The following MAP2K5 variants were observed in gnomAD, a reference collection of about 807,000 sequenced individuals.
MAP2K5 encodes the protein dual specificity mitogen-activated protein kinase kinase 5.
A neutral mutation model predicts 83.1 loss-of-function variants in MAP2K5; 49 were observed. The ratio of observed to expected loss-of-function variants is 0.59; its 90% CI spans 0.47 to 0.75. The LOEUF is 0.75. Ranked by LOEUF, MAP2K5 falls within the 30% of genes least tolerant of loss-of-function variation. The pLI is 0.00. For missense variants in MAP2K5, 457 were observed against 557.5 expected, an observed-to-expected ratio of 0.82 and a Z score of 1.82; for synonymous variants, 202 against 191.8, an observed-to-expected ratio of 1.05 and a Z score of -0.44.
chr15:67,585,952 T>C (rs1479209866), intron 5 of MAP2K5, 22 bp downstream of exon 5: 7 of 1,606,386 alleles, frequency 4.4e-6, no homozygotes, highest in Non-Finnish European at 5.1e-6. Flanking sequence ...AATAATTGTT[T>C]CAGTAAAGTT....
rs1469502703 is a variant in MAP2K5 at position 67,543,117 on chromosome 15, C to T, written c.-219C>T. ...TTGCCCGCTTCCCGGTGCACCCTCC[C>T]CGGGAGACACCTCAGACCCCCGACA... is the stretch of plus-strand genomic sequence containing the variant. On this transcript the variant is annotated 5_prime_UTR_variant, in exon 1 of 22. Transcript: ENST00000178640. The surrounding 1 kb of genome is among the most constrained non-coding windows in gnomAD (Gnocchi z 4.3). 3.4e-5 allele frequency: 20 copies of T among 580,594 alleles called. No individual in the cohort carries two copies. The highest frequency in any genetic ancestry group is 6.0e-5 in the Admixed American group (2 of 33,060). The allele number at this position is 580,594 out of a possible 1,614,324, so 36.0% of individuals were successfully genotyped here. A position where few individuals can be genotyped will look rare whatever the true frequency, so the allele number is the denominator to read the frequency against.
At chr15:67,653,389 C>T (rs977296775) in intron 11 of MAP2K5, among the ~76,000 whole-genome samples, 9 of 151,860 alleles carry the variant, frequency 5.9e-5, no homozygotes, top group East Asian at 1.9e-4. Context: ...GGGTTCAAGC[C>T]GTTCTCCTGC....
chr15:67,634,593 G>GT (rs1462735352), intron 9 of MAP2K5, among the ~76,000 whole-genome samples: 1 of 151,742 alleles, frequency 6.6e-6, no homozygotes, highest in Admixed American at 6.6e-5. Flanking sequence ...TTTACTTAAT[G>GT]TTTTTTGAAG....
intron 8 of MAP2K5, among the ~76,000 whole-genome samples, chr15:67,626,852 A>G (rs1212009889): frequency 1.3e-5 from 2 of 152,172 alleles, no homozygotes; most frequent in African/African-American, 2.4e-5. Context: ...ATGAACTAAT[A>G]AGATCACAGC....
At chr15:67,688,283 A>G (rs2088008735) in intron 13 of MAP2K5, among the ~76,000 whole-genome samples, 1 of 152,182 alleles carries the variant, frequency 6.6e-6, no homozygotes, top group Non-Finnish European at 1.5e-5. Flanking sequence ...CCATTTTTGC[A>G]CTGAGTTGGA....
At chr15:67,558,790 C>T (rs1048097072) in intron 2 of MAP2K5, among the ~76,000 whole-genome samples, 11 of 152,228 alleles carry the variant, frequency 7.2e-5, no homozygotes, top group African/African-American at 2.7e-4. Flanking sequence ...CAGATATCAG[C>T]AAGGCCCACT....
intron 1 of MAP2K5, among the ~76,000 whole-genome samples, chr15:67,547,497 C>T (rs1187109727): frequency 6.7e-6 from 1 of 149,438 alleles, no homozygotes; most frequent in African/African-American, 2.5e-5. Context: ...GCTTTGTTGC[C>T]CAGGCTGGAA....
intron 1 of MAP2K5, chr15:67,549,269 A>T: frequency 2.2e-6 from 3 of 1,375,670 alleles, no homozygotes; most frequent in Non-Finnish European, 3.0e-6. Flanking sequence ...TGTGTTTTCA[A>T]CTTTATAGAT....
chr15:67,579,960 A>C (rs893745389), intron 3 of MAP2K5, among the ~76,000 whole-genome samples: 24 of 152,206 alleles, frequency 1.6e-4, no homozygotes, highest in African/African-American at 5.5e-4. Context: ...TTTTTCCACT[A>C]GGAGCATCAC....
chr15:67,641,474 G>A (rs1455406673), intron 9 of MAP2K5: 5 of 1,000,442 alleles, frequency 5.0e-6, no homozygotes, highest in South Asian at 9.4e-5. Flanking sequence ...GCAAATAAAC[G>A]AAGTCATCCA....
In MAP2K5 at chr15:67,569,019, AC is replaced by A. The variant is rs1411822357; in HGVS notation, c.252+5670del. On this transcript the variant is annotated intron_variant, in intron 3 of 21. Coordinates refer to ENST00000178640, the MANE Select transcript of MAP2K5 (RefSeq NM_145160.3). ...AGACTCCATCTCAAAAAAAAAAAAAACAAAAAAAAAAAACAAAACTCTGTGG... is the reference window on the plus strand; with the variant it reads ...AGACTCCATCTCAAAAAAAAAAAAAAAAAAAAAAAAAACAAAACTCTGTGG... 3.3e-3 allele frequency among the ~76,000 whole-genome samples: 443 copies of A among 132,288 alleles called. 16 individuals are homozygous for A. The highest frequency in any genetic ancestry group is 8.1e-3 in the African/African-American group (290 of 35,852). The allele number at this position is 132,288 out of a possible 152,430, so 86.8% of individuals were successfully genotyped here. A position where few individuals can be genotyped will look rare whatever the true frequency, so the allele number is the denominator to read the frequency against.
intron 7 of MAP2K5, among the ~76,000 whole-genome samples, chr15:67,600,011 G>A (rs4346159): frequency 1.5e-4 from 23 of 152,096 alleles, no homozygotes; most frequent in East Asian, 9.6e-4. Flanking sequence ...ATAAAGTTAC[G>A]AAAATGACTT....
At chr15:67,613,331 A>G (rs766456230) in intron 8 of MAP2K5, among the ~76,000 whole-genome samples, 4 of 152,194 alleles carry the variant, frequency 2.6e-5, no homozygotes, top group African/African-American at 4.8e-5. Flanking sequence ...TGTATCAGAG[A>G]GTTTGCTTTT....
intron 13 of MAP2K5, among the ~76,000 whole-genome samples, chr15:67,669,603 G>A (rs1022946212): frequency 4.5e-4 from 68 of 152,260 alleles, no homozygotes; most frequent in African/African-American, 1.6e-3. Flanking sequence ...CAGGGGCCCA[G>A]ATCAGGGAGA....
At position 67,699,942 on chromosome 15, in the gene MAP2K5, G is replaced by C. The variant is rs193201478; in HGVS notation, c.973-3395G>C. 2.0e-5 allele frequency among the ~76,000 whole-genome samples: 3 copies of C among 146,626 alleles called. No homozygotes were observed. In the Admixed American group the frequency reaches 2.1e-4, roughly 10 times the overall value. The stretch of plus-strand genomic sequence containing the variant: ...CAGAGCCCTGTTTAACCAGTGTTCT[G>C]TCTGCCTACACAGGGATCTTGCCAA... On this transcript the variant is annotated intron_variant, in intron 15 of 21. Transcript: ENST00000178640.
At chr15:67,657,403 T>G (rs2087111486) in intron 11 of MAP2K5, among the ~76,000 whole-genome samples, 1 of 152,180 alleles carries the variant, frequency 6.6e-6, no homozygotes, top group Non-Finnish European at 1.5e-5. Context: ...AGCTTGATCT[T>G]TTTTATTCTG....
chr15:67,729,379 A>G (rs2089171747), intron 17 of MAP2K5, among the ~76,000 whole-genome samples: 1 of 152,228 alleles, frequency 6.6e-6, no homozygotes, highest in African/African-American at 2.4e-5. Context: ...GCCATCCAGT[A>G]AAAATTCCAA....
At position 67,785,392 on chromosome 15, in the gene MAP2K5, A is replaced by G. The variant is rs1017981515; in HGVS notation, c.1242+12640A>G. 6.6e-6 allele frequency among the ~76,000 whole-genome samples: 1 copy of G among 152,224 alleles called. No homozygotes were observed. The highest frequency in any genetic ancestry group is 2.1e-4 in the South Asian group (1 of 4,830). ...AGCTGTTTGCGGTTCACATTGCAGC[A>G]TGGCTACTTGTATCATTGCAGGCCA... is the stretch of plus-strand genomic sequence containing the variant. On this transcript the variant is annotated intron_variant, in intron 21 of 21. Coordinates refer to ENST00000178640, the MANE Select transcript of MAP2K5 (RefSeq NM_145160.3). This position sits in a 1 kb window ranked among gnomAD's most constrained non-coding sequence, Gnocchi z 4.4.
intron 3 of MAP2K5, among the ~76,000 whole-genome samples, chr15:67,570,176 C>T (rs368927610): frequency 6.6e-6 from 1 of 152,214 alleles, no homozygotes; most frequent in Non-Finnish European, 1.5e-5. Flanking sequence ...ATTGGCTGCC[C>T]AAACTTCTAT....
Sources: gnomAD v4.1 joint callset for allele counts (sites outside exome capture counted in the v4.1 genomes callset) on GRCh38, gnomAD v4.1.1 for gene constraint, Gnocchi (gnomAD v3.1) non-coding constraint, MANE v1.5 for transcripts, NCBI Gene and HGNC (gene_info 2026-07-23, HGNC 2026-07-21) for gene names.